DDX1: variants seen among roughly 807,000 people sequenced by gnomAD.
DDX1 encodes DEAD-box helicase 1.
A neutral mutation model predicts 108.7 loss-of-function variants in DDX1; 28 were observed. The ratio of observed to expected loss-of-function variants is 0.26; its 90% CI spans 0.19 to 0.35. The LOEUF is 0.35. Ranked by LOEUF, DDX1 falls within the 10% of genes least tolerant of loss-of-function variation. The pLI, the probability that DDX1 is intolerant of heterozygous loss-of-function variation, is 1.00. For missense variants in DDX1, 710 were observed against 884.5 expected, an observed-to-expected ratio of 0.80 and a Z score of 2.50; for synonymous variants, 295 against 288.9, an observed-to-expected ratio of 1.02 and a Z score of -0.21.
chr2:15,613,358 C>T, intron 14 of DDX1, 74 bp downstream of exon 14: 2 of 1,058,924 alleles, frequency 1.9e-6, no homozygotes, highest in South Asian at 3.2e-5. Flanking sequence ...TGTTTTGTTT[C>T]AAGAAAATTT....
chr2:15,614,287 A>G (rs1192382876), intron 14 of DDX1, among the ~76,000 whole-genome samples: 6 of 152,190 alleles, frequency 3.9e-5, no homozygotes, highest in East Asian at 1.9e-4. Context: ...ATGACAAGCA[A>G]TTGTGTCCTT....
At position 15,599,643 on chromosome 2, in the gene DDX1, A is replaced by G. The variant is rs750098671; in HGVS notation, c.260-26A>G. The G allele has an allele frequency of 5.1e-6, 8 of 1,573,934 alleles. No homozygotes were observed. In the African/African-American group the frequency reaches 1.1e-4, roughly 22 times the overall value. On this transcript the variant is annotated intron_variant, in intron 5 of 25. Transcript: ENST00000233084. Reference sequence around the variant, plus strand: ...TTTTAAATTTTATATATCTGTGGGTAACTTTTCTTATTTTAATTTGTTTAG... The same window carrying G: ...TTTTAAATTTTATATATCTGTGGGTGACTTTTCTTATTTTAATTTGTTTAG...
At chr2:15,613,037 G>T (rs545053558) in intron 13 of DDX1, among the ~76,000 whole-genome samples, 187 bp from the exon 14 acceptor site, 1 of 151,872 alleles carries the variant, frequency 6.6e-6, no homozygotes, top group Non-Finnish European at 1.5e-5. Context: ...AGGGAGAGGG[G>T]GAGGGGGAGG....
chr2:15,598,131 C>A (rs1665531066), intron 5 of DDX1, among the ~76,000 whole-genome samples: 1 of 151,770 alleles, frequency 6.6e-6, no homozygotes, highest in Admixed American at 6.6e-5. Flanking sequence ...ATATTTTTTC[C>A]ACATTTTAAG....
chr2:15,598,572 G>A (rs1665537239), intron 5 of DDX1, among the ~76,000 whole-genome samples: 1 of 152,118 alleles, frequency 6.6e-6, no homozygotes, highest in Admixed American at 6.5e-5. Flanking sequence ...AGTAGGACCA[G>A]GACCAATTAG....
At chr2:15,618,994 G>T (rs1665945054) in intron 16 of DDX1, among the ~76,000 whole-genome samples, 1 of 152,216 alleles carries the variant, frequency 6.6e-6, no homozygotes, top group Non-Finnish European at 1.5e-5. Flanking sequence ...GAACCTGTGG[G>T]GGCAAGGGAG....
chr2:15,595,018 T>C, intron 1 of DDX1, 127 bp from the exon 2 acceptor site: 2 of 657,604 alleles, frequency 3.0e-6, no homozygotes, highest in Non-Finnish European at 5.1e-6. Flanking sequence ...AGTGCCACGC[T>C]CAGTAGATTT....
At chr2:15,623,612 G>A (rs1666045861) in intron 19 of DDX1, 30 bp downstream of exon 19, 2 of 1,575,718 alleles carry the variant, frequency 1.3e-6, no homozygotes, top group Non-Finnish European at 1.7e-6. Context: ...AATAAATTGT[G>A]TTTATATCCT....
At chr2:15,602,336 A>G (rs1009687776) in intron 6 of DDX1, among the ~76,000 whole-genome samples, 2 of 152,336 alleles carry the variant, frequency 1.3e-5, no homozygotes, top group South Asian at 4.1e-4. Context: ...AACATAGCCA[A>G]GGACACCCAG....
At chr2:15,614,428 A>G (rs1375370134) in intron 14 of DDX1, among the ~76,000 whole-genome samples, 2 of 152,208 alleles carry the variant, frequency 1.3e-5, no homozygotes, top group Non-Finnish European at 2.9e-5. Context: ...AAGATGAGTA[A>G]TATTGCTTTG....
chr2:15,627,026 G>T, intron 19 of DDX1, 28 bp from the exon 20 acceptor site: 1 of 1,493,388 alleles, frequency 6.7e-7, no homozygotes. Context: ...ATTTTCCAAG[G>T]TTAAATGCTT....
intron 19 of DDX1, among the ~76,000 whole-genome samples, chr2:15,624,139 A>G (rs1340718104): frequency 6.6e-6 from 1 of 152,204 alleles, no homozygotes; most frequent in Admixed American, 6.5e-5. Flanking sequence ...CATGGAGCAT[A>G]CCCAAAATCT....
At chr2:15,601,618 G>C (rs931309346) in intron 6 of DDX1, among the ~76,000 whole-genome samples, 3 of 152,166 alleles carry the variant, frequency 2.0e-5, no homozygotes, top group African/African-American at 7.2e-5. Context: ...CCCTCCCTGG[G>C]CATGACACCC....
chr2:15,622,325 T>C (rs899620153), intron 18 of DDX1, among the ~76,000 whole-genome samples: 1 of 152,244 alleles, frequency 6.6e-6, no homozygotes, highest in African/African-American at 2.4e-5. Context: ...TTTATCAATT[T>C]TTAAAAAGCC....
chr2:15,593,932 A>G (rs545548602), intron 1 of DDX1, among the ~76,000 whole-genome samples: 164 of 152,168 alleles, frequency 1.1e-3, no homozygotes, highest in Non-Finnish European at 6.2e-4. Context: ...AAAAAAAATT[A>G]GCGGGCGTGG....
At chr2:15,608,954 T>C (rs1665713686) in intron 13 of DDX1, among the ~76,000 whole-genome samples, 2 of 144,110 alleles carry the variant, frequency 1.4e-5, no homozygotes, top group South Asian at 4.4e-4. Context: ...ATGTTCCTTA[T>C]TCAGCAAATG....
intron 20 of DDX1, among the ~76,000 whole-genome samples, chr2:15,628,058 A>ATTT (rs1229855611): frequency 6.6e-6 from 1 of 152,168 alleles, no homozygotes; most frequent in African/African-American, 2.4e-5. Flanking sequence ...TCCAGGTAAA[A>ATTT]TATCTAGTAT....
chr2:15,606,577 A>T (rs750443956), intron 12 of DDX1, among the ~76,000 whole-genome samples: 2 of 152,254 alleles, frequency 1.3e-5, no homozygotes, highest in Non-Finnish European at 2.9e-5. Flanking sequence ...CAACAACCCT[A>T]TAAGGTAGTA....
chr2:15,623,372 T>C (rs1666042036), intron 18 of DDX1, 64 bp from the exon 19 acceptor site: 2 of 1,506,688 alleles, frequency 1.3e-6, no homozygotes, highest in Non-Finnish European at 1.8e-6. Context: ...ACTATAATTA[T>C]GTGTATTCAT....
Sources: gnomAD v4.1 joint callset for allele counts (sites outside exome capture counted in the v4.1 genomes callset) on GRCh38, gnomAD v4.1.1 for gene constraint, MANE v1.5 for transcripts, NCBI Gene and HGNC (gene_info 2026-07-23, HGNC 2026-07-21) for gene names.